The following TRAPPC10 variants were observed in gnomAD, a reference collection of about 807,000 sequenced individuals.
TRAPPC10 encodes trafficking protein particle complex subunit 10.
A neutral mutation model predicts 125.5 loss-of-function variants in TRAPPC10; 23 were observed. The observed-to-expected ratio is 0.18, with a 90% CI of 0.13 to 0.26. The LOEUF is 0.26. Among genes scored for constraint, TRAPPC10 ranks in the 10% least tolerant of loss-of-function variants. The pLI is 1.00. For synonymous variants in TRAPPC10, 509 were observed against 518.0 expected (o/e 0.98, Z 0.24); for missense variants, 1,123 against 1,308.4 (o/e 0.86, Z 2.19).
intron 3 of TRAPPC10, among the ~76,000 whole-genome samples, chr21:44,049,410 T>C (rs898632974): frequency 3.3e-5 from 5 of 152,226 alleles, no homozygotes; most frequent in Admixed American, 6.5e-5. Flanking sequence ...ACTGCTGCTC[T>C]GCTCCCAGCA....
At chr21:44,075,622 A>G (rs567822119) in intron 9 of TRAPPC10, among the ~76,000 whole-genome samples, 2 of 152,130 alleles carry the variant, frequency 1.3e-5, no homozygotes, top group African/African-American at 4.8e-5. Flanking sequence ...GGTAGCTGGG[A>G]CTACAGGTGT....
chr21:44,038,663 G>C (rs2034177099), intron 3 of TRAPPC10, among the ~76,000 whole-genome samples: 1 of 152,106 alleles, frequency 6.6e-6, no homozygotes, highest in Non-Finnish European at 1.5e-5. Flanking sequence ...ACTTCTTCCT[G>C]TATTTTGAGT....
chr21:44,066,027 C>T (rs1056251081), intron 7 of TRAPPC10, among the ~76,000 whole-genome samples: 2 of 152,068 alleles, frequency 1.3e-5, no homozygotes, highest in East Asian at 1.9e-4. Flanking sequence ...GTAGTTTTTA[C>T]TCCAGTCTAG....
intron 3 of TRAPPC10, among the ~76,000 whole-genome samples, chr21:44,051,354 G>A (rs1427484697): frequency 1.3e-5 from 2 of 152,224 alleles, no homozygotes; most frequent in Non-Finnish European, 2.9e-5. Context: ...GATGGTAGCT[G>A]TGAGTTACTG....
intron 3 of TRAPPC10, among the ~76,000 whole-genome samples, chr21:44,048,842 A>C (rs2035043680): frequency 6.8e-6 from 1 of 147,272 alleles, no homozygotes; most frequent in South Asian, 2.2e-4. Context: ...AGTGGTGTAA[A>C]TCTAGTCCCT....
intron 5 of TRAPPC10, among the ~76,000 whole-genome samples, chr21:44,057,289 T>TTC (rs374885797): frequency 2.0e-4 from 30 of 151,638 alleles, no homozygotes; most frequent in Admixed American, 6.6e-4. Context: ...AGCTGTAGTC[T>TTC]TCTCTCTCTC....
chr21:44,062,271 A>G (rs1343267660), intron 6 of TRAPPC10, among the ~76,000 whole-genome samples: 1 of 152,262 alleles, frequency 6.6e-6, no homozygotes, highest in East Asian at 1.9e-4. Flanking sequence ...AGGGACCACC[A>G]TGTGCCAGGC....
At chr21:44,043,857 C>A (rs924416671) in intron 3 of TRAPPC10, among the ~76,000 whole-genome samples, 1 of 152,210 alleles carries the variant, frequency 6.6e-6, no homozygotes, top group Non-Finnish European at 1.5e-5. Context: ...CAAGCAGCCC[C>A]GTGGGAAGGC....
At chr21:44,068,882 G>A (rs1360582942) in intron 7 of TRAPPC10, among the ~76,000 whole-genome samples, 2 of 152,102 alleles carry the variant, frequency 1.3e-5, no homozygotes, top group Non-Finnish European at 1.5e-5. Context: ...GATTACAGGC[G>A]TGAGCTATTG....
Position 44,050,380 on chromosome 21 carries a change from A to C in TRAPPC10, c.286-1900A>C, listed in dbSNP as rs567682281. Reference sequence around the variant, plus strand: ...CCCCTGCCCGGTGTGGACAACTTGGAGCCAGGACTCCTTCTGGGGTGGGGG... The same window carrying C: ...CCCCTGCCCGGTGTGGACAACTTGGCGCCAGGACTCCTTCTGGGGTGGGGG... On this transcript the variant is annotated intron_variant, in intron 3 of 22. Transcript: ENST00000291574. 3.5e-5 allele frequency among the ~76,000 whole-genome samples: 5 copies of C among 144,046 alleles called. No homozygotes were observed. The East Asian group carries it at 1.0e-3, about 29-fold the overall frequency. The allele number at this position is 144,046 out of a possible 152,430, so 94.5% of individuals were successfully genotyped here.
chr21:44,067,628 C>T (rs1373052036), intron 7 of TRAPPC10, among the ~76,000 whole-genome samples: 2 of 152,124 alleles, frequency 1.3e-5, no homozygotes, highest in Non-Finnish European at 2.9e-5. Context: ...GAGGAAAGGG[C>T]CCCACCTACC....
At chr21:44,072,162 C>T (rs1220254477) in intron 7 of TRAPPC10, among the ~76,000 whole-genome samples, 3 of 152,236 alleles carry the variant, frequency 2.0e-5, no homozygotes, top group Non-Finnish European at 4.4e-5. Flanking sequence ...TCATGCCATG[C>T]AGTAATTAAT....
At chr21:44,051,430 T>A (rs2035226197) in intron 3 of TRAPPC10, among the ~76,000 whole-genome samples, 1 of 152,216 alleles carries the variant, frequency 6.6e-6, no homozygotes, top group African/African-American at 2.4e-5. Flanking sequence ...ATTTTCTAAA[T>A]CTAAAGGGAG....
chr21:44,030,193 C>T (rs761502249), intron 1 of TRAPPC10, among the ~76,000 whole-genome samples: 14 of 151,972 alleles, frequency 9.2e-5, no homozygotes, highest in Non-Finnish European at 1.6e-4. Context: ...TATTTGTATA[C>T]GTATGTGAAG....
chr21:44,084,480 A>G (rs1002035971), intron 15 of TRAPPC10, among the ~76,000 whole-genome samples: 1 of 152,230 alleles, frequency 6.6e-6, no homozygotes, highest in East Asian at 1.9e-4. Context: ...TTTAATAAAC[A>G]TGGTGTATCT....
chr21:44,053,338 C>T (rs775053005), intron 4 of TRAPPC10, among the ~76,000 whole-genome samples: 4 of 151,788 alleles, frequency 2.6e-5, no homozygotes, highest in Non-Finnish European at 5.9e-5. Flanking sequence ...GTTAATATAA[C>T]GTTATGTGTT....
rs544415925 is a variant in TRAPPC10 at position 44,055,127 on chromosome 21, G to A, written c.483-571G>A. 1.1e-4 allele frequency among the ~76,000 whole-genome samples: 16 copies of A among 152,284 alleles called. 1 individual carries two copies. The East Asian group carries it at 2.7e-3, about 26-fold the overall frequency. On this transcript the variant is annotated intron_variant, in intron 4 of 22. Transcript: ENST00000291574. ...TATTTTACAGAGGACTCAGAGCTGC[G>A]TCTTTGGCTCAGGGCTCATGTAAAT...
intron 9 of TRAPPC10, 31 bp from the exon 10 acceptor site, chr21:44,076,521 G>C (rs377142050): frequency 2.9e-4 from 461 of 1,563,154 alleles, no homozygotes; most frequent in Non-Finnish European, 4.0e-4. Flanking sequence ...TGATGAAGAT[G>C]AAGAGGGACT....
Position 44,063,147 on chromosome 21 carries a change from C to T in TRAPPC10, c.791-391C>T, listed in dbSNP as rs749393554. 1 of 1,305,826 alleles carries T rather than the reference C, an allele frequency of 7.7e-7. No homozygotes were observed. Among genetic ancestry groups the T allele is most frequent in the Non-Finnish European group, 1.0e-6 (1 of 992,362 alleles). 80.9% of individuals were successfully genotyped at this position (1,305,826 alleles called of 1,614,324 possible). Reference sequence around the variant, plus strand: ...CCAAAAAACACCAGGATGGTCAGAGCAGGCTGCACTCCAGCCCACAGGTAA... The same window carrying T: ...CCAAAAAACACCAGGATGGTCAGAGTAGGCTGCACTCCAGCCCACAGGTAA... On this transcript the variant is annotated intron_variant, in intron 6 of 22. Transcript: ENST00000291574. This position sits in a 1 kb window ranked among gnomAD's most constrained non-coding sequence, Gnocchi z 4.4.
Sources: allele counts gnomAD v4.1 joint callset (sites outside exome capture counted in the v4.1 genomes callset), GRCh38; gene constraint gnomAD v4.1.1; non-coding constraint Gnocchi (gnomAD v3.1); transcripts MANE v1.5; gene names NCBI Gene and HGNC (gene_info 2026-07-23, HGNC 2026-07-21).